Variants in TTC28 observed in about 807,000 individuals in gnomAD.
The protein encoded by TTC28 is tetratricopeptide repeat domain 28.
Under a neutral mutation model 198.0 loss-of-function variants are expected in TTC28, and 61 were observed. The observed-to-expected ratio is 0.31, with a 90% confidence interval of 0.25 to 0.38. The LOEUF (loss-of-function observed/expected upper bound fraction) is 0.38. Among genes scored for constraint, TTC28 ranks in the 10% least tolerant of loss-of-function variants. The pLI is 1.00. For synonymous variants in TTC28, 1,171 were observed against 1,297.8 expected (o/e 0.90, Z 2.10); for missense variants, 2,678 against 3,164.0 (o/e 0.85, Z 3.69).
chr22:28,271,753 C>T (rs1258346794), intron 5 of TTC28, among the ~76,000 whole-genome samples: 6 of 151,924 alleles, frequency 3.9e-5, no homozygotes, highest in Non-Finnish European at 7.4e-5. Flanking sequence ...TACAGGTGCC[C>T]GCCACCACGT....
intron 2 of TTC28, among the ~76,000 whole-genome samples, chr22:28,508,322 T>C (rs1428837196): frequency 6.6e-6 from 1 of 152,220 alleles, no homozygotes; most frequent in East Asian, 1.9e-4. Flanking sequence ...AGTTTCTTCT[T>C]GCCCTGGCTG....
At chr22:28,642,184 A>G (rs994145574) in intron 1 of TTC28, among the ~76,000 whole-genome samples, 1 of 152,026 alleles carries the variant, frequency 6.6e-6, no homozygotes, top group African/African-American at 2.4e-5. Context: ...TTAATTTAGA[A>G]AAATAAAATC....
At chr22:28,555,994 T>C (rs566503798) in intron 2 of TTC28, among the ~76,000 whole-genome samples, 13 of 152,190 alleles carry the variant, frequency 8.5e-5, no homozygotes, top group African/African-American at 3.1e-4. Flanking sequence ...TCATTTTCCT[T>C]CGCCATAAAA....
At chr22:28,541,736 C>G (rs988816370) in intron 2 of TTC28, among the ~76,000 whole-genome samples, 5 of 151,380 alleles carry the variant, frequency 3.3e-5, no homozygotes, top group African/African-American at 1.2e-4. Flanking sequence ...AGAAAGAAGA[C>G]ATAAGAAAGA....
chr22:28,578,696 C>G (rs1601587493), intron 2 of TTC28, among the ~76,000 whole-genome samples: 2 of 152,122 alleles, frequency 1.3e-5, no homozygotes, highest in East Asian at 3.9e-4. Context: ...CTTCCCTTAT[C>G]CCCTGGCAGT....
intron 5 of TTC28, among the ~76,000 whole-genome samples, chr22:28,208,269 G>C (rs893932706): frequency 2.3e-4 from 35 of 152,242 alleles, no homozygotes; most frequent in African/African-American, 8.4e-4. Context: ...ATGGTGCCTT[G>C]CTGTGGTTCA....
chr22:28,556,315 C>T (rs1038260653), intron 2 of TTC28, among the ~76,000 whole-genome samples: 2 of 152,054 alleles, frequency 1.3e-5, no homozygotes, highest in South Asian at 4.1e-4. Context: ...GCCAAGATCG[C>T]ACCACTGCAC....
chr22:28,116,624 G>T (rs941469074), intron 6 of TTC28, among the ~76,000 whole-genome samples: 16 of 152,202 alleles, frequency 1.1e-4, no homozygotes, highest in Non-Finnish European at 1.9e-4. Flanking sequence ...AGCCTCACAA[G>T]TTAGCAATGC....
intron 2 of TTC28, among the ~76,000 whole-genome samples, chr22:28,360,625 G>A (rs1332527411): frequency 6.6e-6 from 1 of 152,054 alleles, no homozygotes; most frequent in Non-Finnish European, 1.5e-5. Flanking sequence ...TTTATCACCA[G>A]TACACATGAA....
chr22:28,391,400 C>T (rs1181653962), intron 2 of TTC28, among the ~76,000 whole-genome samples: 12 of 152,138 alleles, frequency 7.9e-5, no homozygotes, highest in Admixed American at 1.3e-4. Context: ...CCTTGCTAGA[C>T]TGGGGAAGTT....
chr22:28,178,154 C>G (rs1601432933), intron 5 of TTC28, among the ~76,000 whole-genome samples: 2 of 151,956 alleles, frequency 1.3e-5, no homozygotes, highest in Non-Finnish European at 2.9e-5. Context: ...CCTAAAACTG[C>G]TAGAAGAAAA....
chr22:28,530,463 G>A (rs1022942418), intron 2 of TTC28, among the ~76,000 whole-genome samples: 3 of 152,184 alleles, frequency 2.0e-5, no homozygotes, highest in African/African-American at 7.2e-5. Context: ...TGGGGAGAAT[G>A]GAACCAAGTT....
intron 5 of TTC28, among the ~76,000 whole-genome samples, chr22:28,278,461 A>C (rs1046197123): frequency 7.9e-5 from 12 of 152,224 alleles, no homozygotes; most frequent in African/African-American, 2.7e-4. Flanking sequence ...TGACAAAAGA[A>C]AACTACTTTA....
chr22:28,346,842 T>C (rs1436397323), intron 2 of TTC28, among the ~76,000 whole-genome samples: 1 of 152,058 alleles, frequency 6.6e-6, no homozygotes, highest in Non-Finnish European at 1.5e-5. Context: ...GCACATTGCA[T>C]TGCACAGTAA....
At chr22:28,226,391 AT>A (rs1928341026) in intron 5 of TTC28, among the ~76,000 whole-genome samples, 1 of 151,904 alleles carries the variant, frequency 6.6e-6, no homozygotes, top group Non-Finnish European at 1.5e-5. Flanking sequence ...CCTAAATACT[AT>A]TGATGTTGAG....
chr22:28,595,922 C>CA (rs1404550731), intron 2 of TTC28, among the ~76,000 whole-genome samples: 1 of 152,040 alleles, frequency 6.6e-6, no homozygotes, highest in East Asian at 1.9e-4. Flanking sequence ...GACTCTGTCT[C>CA]AAAAAATAAT....
At chr22:28,066,574 G>C (rs947501837) in intron 12 of TTC28, among the ~76,000 whole-genome samples, 4 of 152,020 alleles carry the variant, frequency 2.6e-5, no homozygotes, top group Non-Finnish European at 1.5e-5. Flanking sequence ...AGCTCATACA[G>C]TATTGGTCTG....
intron 10 of TTC28, among the ~76,000 whole-genome samples, chr22:28,098,304 A>C (rs1942032552): frequency 6.6e-6 from 1 of 152,180 alleles, no homozygotes; most frequent in Admixed American, 6.5e-5. Flanking sequence ...ACTTCCTCTT[A>C]GTCAGATGCT....
intron 2 of TTC28, among the ~76,000 whole-genome samples, chr22:28,449,977 C>A (rs889894699): frequency 4.6e-5 from 7 of 151,936 alleles, no homozygotes; most frequent in Admixed American, 2.0e-4. Context: ...AAGTATAGAT[C>A]ACAGAAAAAA....
Sources: allele counts gnomAD v4.1 joint callset (sites outside exome capture counted in the v4.1 genomes callset), GRCh38; gene constraint gnomAD v4.1.1; transcripts MANE v1.5; gene names NCBI Gene and HGNC (gene_info 2026-07-23, HGNC 2026-07-21).